Variants in ELP1 observed in about 807,000 individuals in gnomAD.
The protein encoded by ELP1 is elongator acetyltransferase complex subunit 1.
A neutral mutation model predicts 183.2 loss-of-function variants in ELP1; 131 were observed. That is an observed-to-expected ratio of 0.72 (90% CI 0.62 to 0.83). The LOEUF (loss-of-function observed/expected upper bound fraction) is 0.83. ELP1 is among the 40% of genes least tolerant of loss of function. The pLI, the probability that ELP1 is intolerant of heterozygous loss-of-function variation, is 0.00. For synonymous variants in ELP1, 555 were observed against 569.0 expected, an observed-to-expected ratio of 0.98 and a Z score of 0.35; for missense variants, 1,550 against 1,594.9, an observed-to-expected ratio of 0.97 and a Z score of 0.48.
Position 108,878,016 on chromosome 9 carries a change from G to C in ELP1, c.3834C>G (p.Tyr1278Ter). The C allele has an allele frequency of 6.2e-7, 1 of 1,614,188 alleles. No homozygotes were observed. The highest frequency in any genetic ancestry group is 8.5e-7 in the Non-Finnish European group (1 of 1,180,020). ...RSLPEIWTLT[Y>*]QQNSATPVLG... ...TTACCGGGGTAGCTGAATTCTGCTG[G>C]TAAGTAAGAGTCCAAATTTCTGGAA... The change falls in exon 35 of 37, where the codon TAC (tyrosine) becomes TAG (stop). Residue 1278 changes from tyrosine to a stop codon, truncating the protein, a stop_gained. Coordinates refer to ENST00000374647, the MANE Select transcript of ELP1 (RefSeq NM_003640.5). LOFTEE classifies it high-confidence loss of function.
At position 108,878,100 on chromosome 9, in the gene ELP1, T is replaced by C. The variant is rs149038322; in HGVS notation, c.3750A>G (p.Glu1250=). ...LKVLFLFEFD[E]QGRELQKAFE... ...AGGCCTTCTGTAATTCCCTTCCTTGTTCATCAAACTCAAAGAGAAAGAGTA... is the reference window on the plus strand; with the variant it reads ...AGGCCTTCTGTAATTCCCTTCCTTGCTCATCAAACTCAAAGAGAAAGAGTA... The change falls in exon 35 of 37, where the codon GAA becomes GAG. Residue 1250 remains glutamate, a synonymous_variant. Coordinates refer to ENST00000374647, the MANE Select transcript of ELP1 (RefSeq NM_003640.5). 34 of 1,612,708 alleles carry C rather than the reference T, an allele frequency of 2.1e-5. No homozygotes were observed. The African/African-American group carries it at 2.5e-4, about 12-fold the overall frequency.
chr9:108,916,330 C>T (rs775723034), intron 9 of ELP1, 33 bp from the exon 10 acceptor site: 1 of 1,515,908 alleles, frequency 6.6e-7, no homozygotes, highest in Admixed American at 1.7e-5. Flanking sequence ...CATTGGCTTT[C>T]AGTTATGGAT....
At chr9:108,877,752 C>A (rs1827756053) in intron 35 of ELP1, among the ~76,000 whole-genome samples, 1 of 152,198 alleles carries the variant, frequency 6.6e-6, no homozygotes, top group African/African-American at 2.4e-5. Flanking sequence ...TTCCCATTTT[C>A]TCCATGACAG....
intron 27 of ELP1, among the ~76,000 whole-genome samples, chr9:108,892,262 G>A (rs1828370029): frequency 6.6e-6 from 1 of 152,216 alleles, no homozygotes; most frequent in Non-Finnish European, 1.5e-5. Flanking sequence ...CTAAAGGAAG[G>A]CTGGTGGGTA....
rs367974002 is a variant in ELP1 at position 108,894,004 on chromosome 9, C to T, written c.2799G>A (p.Arg933=). The T allele has an allele frequency of 3.4e-5, 55 of 1,603,618 alleles. No individual in the cohort carries two copies. The East Asian group carries it at 1.0e-3, about 31-fold the overall frequency. ...GTTTCAAGTATTTGTCTATAGTAAA[C>T]CGCTGATAATTAGTTTCCATTTTCT... The part of the protein sequence containing the change: ...TLKKMETNYQ[R]FTIDKYLKRY... Residue 933 remains arginine (R), a synonymous_variant, in exon 26 of 37, where the codon CGG becomes CGA. Coordinates refer to ENST00000374647, the MANE Select transcript of ELP1 (RefSeq NM_003640.5).
At chr9:108,924,608 T>A (rs762034202) in intron 5 of ELP1, among the ~76,000 whole-genome samples, 1 of 152,140 alleles carries the variant, frequency 6.6e-6, no homozygotes, top group Admixed American at 6.5e-5. Context: ...GATTCTAGAC[T>A]CTTCCTGTAC....
Position 108,916,271 on chromosome 9 carries a change from A to G in ELP1, c.891T>C (p.Asp297=), listed in dbSNP as rs779863565. The change falls in exon 10 of 37, where the codon GAT becomes GAC. Residue 297 remains aspartate (D), a synonymous_variant. Coordinates refer to ENST00000374647, the MANE Select transcript of ELP1 (RefSeq NM_003640.5). The part of the protein sequence containing the change: ...VKVNDLLWNA[D]SSVLAVWLED... ...CCAGCCAGACTGCAAGCACAGAGGA[A>G]TCTGCATTCCAGAGCAAGTCATTTA... is the stretch of plus-strand genomic sequence containing the variant. 1 of 1,614,118 alleles carries G rather than the reference A, an allele frequency of 6.2e-7. No homozygotes were observed. The highest frequency in any genetic ancestry group is 1.1e-5 in the South Asian group (1 of 91,090).
chr9:108,899,174 C>T (rs1046706117), intron 20 of ELP1, among the ~76,000 whole-genome samples: 3 of 151,876 alleles, frequency 2.0e-5, no homozygotes, highest in Non-Finnish European at 4.4e-5. Flanking sequence ...GTGGTGCACA[C>T]CTGTAATCCT....
At position 108,931,116 on chromosome 9, in the gene ELP1, C is replaced by A; in HGVS notation, c.31G>T (p.Glu11Ter). MRNLKLFRTL[E>*]FRDIQGPGNP... ...CCTGGACCTTGAATATCCCTGAACT[C>A]CAGGGTCCGAAATAATTTCAGATTT... Residue 11 changes from glutamate (E) to a stop codon, truncating the protein, a stop_gained, in exon 2 of 37, where the codon GAG becomes TAG. Coordinates refer to ENST00000374647, the MANE Select transcript of ELP1 (RefSeq NM_003640.5). LOFTEE classifies it high-confidence loss of function. The A allele has an allele frequency of 2.5e-6, 4 of 1,614,082 alleles. No homozygotes were observed. The highest frequency in any genetic ancestry group is 3.4e-6 in the Non-Finnish European group (4 of 1,179,966).
In ELP1 at chr9:108,899,854, C is replaced by T; in HGVS notation, c.2172G>A (p.Leu724=). The change falls in exon 20 of 37, where the codon CTG becomes CTA. Residue 724 remains leucine (L), a synonymous_variant. Coordinates refer to ENST00000374647, the MANE Select transcript of ELP1 (RefSeq NM_003640.5). ...GNLEVVHHRA[L]VLAQIRKWLD... ...ACCACTTCCGAATCTGAGCTAAAAC[C>T]AGGGCTCGATGATGAACAACTTCTA... 1 of 1,614,072 alleles carries T rather than the reference C, an allele frequency of 6.2e-7. No homozygotes were observed. The highest frequency in any genetic ancestry group is 8.5e-7 in the Non-Finnish European group (1 of 1,179,988).
intron 6 of ELP1, among the ~76,000 whole-genome samples, chr9:108,921,861 A>C (rs973121168): frequency 6.6e-6 from 1 of 152,260 alleles, no homozygotes; most frequent in African/African-American, 2.4e-5. Flanking sequence ...TACTAAAACA[A>C]AAGCAGCAAC....
chr9:108,893,823 A>C, intron 26 of ELP1, 120 bp downstream of exon 26: 7 of 1,059,480 alleles, frequency 6.6e-6, no homozygotes, highest in Non-Finnish European at 1.0e-5. Context: ...CATAATTGTT[A>C]GAGTTTTCAG....
chr9:108,924,900 C>T (rs1829779250), intron 5 of ELP1, among the ~76,000 whole-genome samples: 1 of 152,208 alleles, frequency 6.6e-6, no homozygotes, highest in Non-Finnish European at 1.5e-5. Context: ...ATTCACCTTA[C>T]ATACGCAAAG....
chr9:108,892,258 G>A (rs1828369942), intron 27 of ELP1, among the ~76,000 whole-genome samples: 1 of 152,224 alleles, frequency 6.6e-6, no homozygotes, highest in Admixed American at 6.5e-5. Flanking sequence ...GGGGCTAAAG[G>A]AAGGCTGGTG....
chr9:108,908,304 C>T lies in ELP1; in HGVS notation c.1460+1G>A, dbSNP rs1564093439. 2 of 1,608,818 alleles carry T rather than the reference C, an allele frequency of 1.2e-6. No homozygotes were observed. Among genetic ancestry groups the T allele is most frequent in the Non-Finnish European group, 1.7e-6 (2 of 1,175,176 alleles). On this transcript the variant is annotated splice_donor_variant, in intron 13 of 36. Transcript: ENST00000374647. LOFTEE classifies it high-confidence loss of function. ...GAAGCCCAAGATAATTAAGAACCTA[C>T]TTGTATCTCTTTTCCAAATGAGGAG...
intron 27 of ELP1, 45 bp downstream of exon 27, chr9:108,892,941 G>A (rs767654759): frequency 7.0e-7 from 1 of 1,419,032 alleles, no homozygotes; most frequent in East Asian, 2.3e-5. Context: ...TCCTACTAAA[G>A]CAAAAAGCAA....
Position 108,878,081 on chromosome 9 carries a change from T to C in ELP1, c.3769A>G (p.Lys1257Glu), listed in dbSNP as rs1286580501. The part of the protein sequence containing the change: ...EFDEQGRELQ[K>E]AFEDTLQLME... ...AACTGCAGCGTATCTTCAAAGGCCTTCTGTAATTCCCTTCCTTGTTCATCA... is the reference window on the plus strand; with the variant it reads ...AACTGCAGCGTATCTTCAAAGGCCTCCTGTAATTCCCTTCCTTGTTCATCA... Residue 1257 changes from lysine to glutamate, a missense_variant, in exon 35 of 37, where the codon AAG becomes GAG. Physicochemically the swap from Lys to Glu is moderately conservative, Grantham distance 56. Coordinates refer to ENST00000374647, the MANE Select transcript of ELP1 (RefSeq NM_003640.5). The C allele has an allele frequency of 7.4e-6, 12 of 1,613,366 alleles. No individual in the cohort carries two copies. Among genetic ancestry groups the C allele is most frequent in the African/African-American group, 1.3e-5 (1 of 74,902 alleles).
intron 10 of ELP1, among the ~76,000 whole-genome samples, chr9:108,912,824 G>A (rs1037180722): frequency 4.8e-5 from 7 of 146,596 alleles, no homozygotes; most frequent in African/African-American, 1.8e-4. Context: ...GCGCAATCTC[G>A]GCTCACTGCA....
intron 1 of ELP1, among the ~76,000 whole-genome samples, chr9:108,933,246 C>T (rs1463866430): frequency 6.6e-6 from 1 of 152,198 alleles, no homozygotes; most frequent in East Asian, 1.9e-4. Context: ...AGCTGAAAAA[C>T]TGTCTTTGCT....
Sources: gnomAD v4.1 joint callset for allele counts (sites outside exome capture counted in the v4.1 genomes callset) on GRCh38, gnomAD v4.1.1 for gene constraint, MANE v1.5 for transcripts, NCBI Gene and HGNC (gene_info 2026-07-23, HGNC 2026-07-21) for gene names.